The following GPRIN3 variants were observed in gnomAD, a reference collection of about 807,000 sequenced individuals.
The protein encoded by GPRIN3 is G protein-regulated inducer of neurite outgrowth 3.
A neutral mutation model predicts 13.7 loss-of-function variants in GPRIN3; 12 were observed. The observed-to-expected ratio is 0.87, with a 90% CI of 0.56 to 1.42. GPRIN3 has a LOEUF of 1.42. GPRIN3 is among the 40% of genes most tolerant of loss of function. The pLI is 0.00. For missense variants in GPRIN3, 1,009 were observed against 958.7 expected (o/e 1.05, Z -0.69); for synonymous variants, 377 against 372.7 (o/e 1.01, Z -0.13).
chr4:89,305,854 C>T (rs1412823801), intron 1 of GPRIN3, among the ~76,000 whole-genome samples: 1 of 152,234 alleles, frequency 6.6e-6, no homozygotes, highest in African/African-American at 2.4e-5. Flanking sequence ...TGATCTGACT[C>T]ATACAACGCC....
rs376012736 is a variant in GPRIN3 at position 89,266,172 on chromosome 4, A to C, written c.-123-15939T>G. Among the ~76,000 whole-genome samples, 8 of 152,324 alleles carry C rather than the reference A, an allele frequency of 5.3e-5. No individual in the cohort carries two copies. In the East Asian group the frequency reaches 1.2e-3, roughly 22 times the overall value. ...GATTCTACCCCTTGGAATTGAATTT[A>C]AGATAGTAAACAAAATAACTGGTTA... On this transcript the variant is annotated intron_variant, in intron 1 of 1. Coordinates refer to ENST00000609438, the MANE Select transcript of GPRIN3 (RefSeq NM_198281.3).
chr4:89,304,437 G>A (rs1030462583), intron 1 of GPRIN3, among the ~76,000 whole-genome samples: 28 of 151,654 alleles, frequency 1.8e-4, no homozygotes, highest in African/African-American at 6.8e-4. Context: ...TATATTTAAG[G>A]AATTTCATGA....
chr4:89,276,612 T>C (rs556128562), intron 1 of GPRIN3, among the ~76,000 whole-genome samples: 1 of 152,246 alleles, frequency 6.6e-6, no homozygotes, highest in African/African-American at 2.4e-5. Context: ...CCTTGAAAGG[T>C]AAAAGAAGAA....
intron 1 of GPRIN3, among the ~76,000 whole-genome samples, chr4:89,299,157 G>A (rs1724821705): frequency 6.6e-6 from 1 of 152,048 alleles, no homozygotes; most frequent in South Asian, 2.1e-4. Flanking sequence ...CAGGTGACAG[G>A]ACGCTTGATA....
At chr4:89,283,017 C>T (rs551253275) in intron 1 of GPRIN3, among the ~76,000 whole-genome samples, 4 of 152,268 alleles carry the variant, frequency 2.6e-5, no homozygotes, top group East Asian at 1.9e-4. Flanking sequence ...TATGCACATA[C>T]GTTCAGGCCT....
At chr4:89,302,074 A>G (rs1447964334) in intron 1 of GPRIN3, among the ~76,000 whole-genome samples, 1 of 152,206 alleles carries the variant, frequency 6.6e-6, no homozygotes, top group Non-Finnish European at 1.5e-5. Flanking sequence ...GTCTTAGATC[A>G]CCCAGCTGAT....
Position 89,239,323 on chromosome 4 carries a change from C to T in GPRIN3, c.*8457G>A, listed in dbSNP as rs1722863088. 6.6e-6 allele frequency: 1 copy of T among 151,984 alleles called. No individual in the cohort carries two copies. The highest frequency in any genetic ancestry group is 6.5e-5 in the Admixed American group (1 of 15,270). 9.4% of individuals were successfully genotyped at this position (151,984 alleles called of 1,614,324 possible). ...CTGCAATTTTTAAGTTATAATTTTT[C>T]TGGGTATTATTCAAATTAATACACA... On this transcript the variant is annotated 3_prime_UTR_variant, in exon 2 of 2. Transcript: ENST00000609438.
Position 89,248,100 on chromosome 4 carries a change from A to G in GPRIN3, c.2011T>C (p.Ser671Pro). 2 of 1,614,068 alleles carry G rather than the reference A, an allele frequency of 1.2e-6. No homozygotes were observed. The highest frequency in any genetic ancestry group is 1.7e-5 in the Admixed American group (1 of 60,022). The part of the protein sequence containing the change: ...GDKKKQLGAD[S>P]KLQLKQSKRV... The stretch of plus-strand genomic sequence containing the variant: ...TTGGACTGTTTCAGCTGGAGCTTGG[A>G]GTCTGCGCCAAGCTGCTTTTTCTTA... Residue 671 changes from serine to proline, a missense_variant, in exon 2 of 2, where the codon TCC (serine) becomes CCC (proline). Coordinates refer to ENST00000609438, the MANE Select transcript of GPRIN3 (RefSeq NM_198281.3).
At chr4:89,281,349 C>A (rs969618065) in intron 1 of GPRIN3, among the ~76,000 whole-genome samples, 1 of 152,136 alleles carries the variant, frequency 6.6e-6, no homozygotes, top group East Asian at 1.9e-4. Context: ...GTCTCGAACT[C>A]GTGACCTCGT....
rs190329245 is a variant in GPRIN3, at chr4:89,302,616, C to T, written c.-124+4999G>A. 2.6e-5 allele frequency among the ~76,000 whole-genome samples: 4 copies of T among 152,182 alleles called. No homozygotes were observed. In the East Asian group the frequency reaches 5.8e-4, roughly 22 times the overall value. On this transcript the variant is annotated intron_variant, in intron 1 of 1. Coordinates refer to ENST00000609438, the MANE Select transcript of GPRIN3 (RefSeq NM_198281.3). ...AATTAGAAAGCTGTTACTATGTTGC[C>T]AACTCCAATATGCCCAGTTAAAAAG...
In GPRIN3 at chr4:89,249,762, C is replaced by T; in HGVS notation, c.349G>A (p.Ala117Thr). 6.2e-7 allele frequency: 1 copy of T among 1,614,188 alleles called. No homozygotes were observed. Among genetic ancestry groups the T allele is most frequent in the Non-Finnish European group, 8.5e-7 (1 of 1,180,020 alleles). ...QPAASAPSSA[A>T]GRDLIHTPLT... is the part of the protein sequence containing the mutation. ...GGTGTGTGTATAAGATCCCTTCCTG[C>T]TGCAGAACTCGGGGCTGATGCTGCG... The change falls in exon 2 of 2, where the codon GCA becomes ACA. Residue 117 changes from alanine to threonine, a missense_variant. Physicochemically the swap from Ala to Thr is moderately conservative, Grantham distance 58 (BLOSUM62 0). Transcript: ENST00000609438.
intron 1 of GPRIN3, among the ~76,000 whole-genome samples, chr4:89,270,565 T>TTATATATATATATATATATA (rs1199230242): frequency 9.8e-4 from 81 of 82,306 alleles, no homozygotes; most frequent in East Asian, 2.1e-3. Context: ...TGTATATAAT[T>TTATATATATATATATATATA]TATATATATA....
At chr4:89,289,221 G>A (rs1045908627) in intron 1 of GPRIN3, among the ~76,000 whole-genome samples, 3 of 150,624 alleles carry the variant, frequency 2.0e-5, no homozygotes, top group African/African-American at 7.4e-5. Context: ...GTGCCTGGTC[G>A]TCTTCTATTA....
chr4:89,297,414 T>C (rs544804699), intron 1 of GPRIN3, among the ~76,000 whole-genome samples: 1 of 152,264 alleles, frequency 6.6e-6, no homozygotes, highest in East Asian at 1.9e-4. Flanking sequence ...GTTTTGTTTC[T>C]TGTTCATTCT....
At chr4:89,294,119 A>C (rs1724666771) in intron 1 of GPRIN3, among the ~76,000 whole-genome samples, 1 of 152,204 alleles carries the variant, frequency 6.6e-6, no homozygotes, top group African/African-American at 2.4e-5. Flanking sequence ...AATACAGAAA[A>C]ACTAACAATT....
At chr4:89,262,006 C>T (rs188972541) in intron 1 of GPRIN3, among the ~76,000 whole-genome samples, 1 of 151,686 alleles carries the variant, frequency 6.6e-6, no homozygotes, top group Admixed American at 6.6e-5. Context: ...CCTGTGGTCC[C>T]AGCTACTTGG....
rs576454059 is a variant in GPRIN3, at chr4:89,268,346, T to C, written c.-123-18113A>G. Among the ~76,000 whole-genome samples, 8 of 152,224 alleles carry C rather than the reference T, an allele frequency of 5.3e-5. No individual in the cohort carries two copies. In the South Asian group the frequency reaches 1.0e-3, roughly 20 times the overall value. On this transcript the variant is annotated intron_variant, in intron 1 of 1. Coordinates refer to ENST00000609438, the MANE Select transcript of GPRIN3 (RefSeq NM_198281.3). The stretch of plus-strand genomic sequence containing the variant: ...TGGCAGCATTTAATGACTGGTGGCA[T>C]GTAGGAAGCAAGGCTAGAAAAAGAA...
chr4:89,281,804 C>G (rs371483663), intron 1 of GPRIN3, among the ~76,000 whole-genome samples: 1 of 152,210 alleles, frequency 6.6e-6, no homozygotes, highest in Non-Finnish European at 1.5e-5. Context: ...CTCTTTCTTG[C>G]ATTGCTAATA....
intron 1 of GPRIN3, among the ~76,000 whole-genome samples, chr4:89,264,523 T>C (rs1246561270): frequency 6.6e-6 from 1 of 152,194 alleles, no homozygotes; most frequent in Non-Finnish European, 1.5e-5. Flanking sequence ...CTGCCTTCTC[T>C]TCCCTGCATA....
Sources: gnomAD v4.1 joint callset for allele counts (sites outside exome capture counted in the v4.1 genomes callset) on GRCh38, gnomAD v4.1.1 for gene constraint, MANE v1.5 for transcripts, NCBI Gene and HGNC (gene_info 2026-07-23, HGNC 2026-07-21) for gene names.